Variants in ICA1 observed in about 807,000 individuals in gnomAD.
ICA1 encodes 69 kDa islet cell autoantigen.
ICA1 carries 40 observed loss-of-function variants against 71.0 expected under a neutral mutation model. The ratio of observed to expected loss-of-function variants is 0.56; its 90% CI spans 0.44 to 0.73. The LOEUF is 0.73. Ranked by LOEUF, ICA1 falls within the 30% of genes least tolerant of loss-of-function variation. ICA1 has a pLI of 0.00. For missense variants in ICA1, 578 were observed against 576.5 expected, an observed-to-expected ratio of 1.00 and a Z score of -0.03; for synonymous variants, 207 against 209.5, an observed-to-expected ratio of 0.99 and a Z score of 0.10.
intron 4 of ICA1, chr7:8,227,702 C>G (rs1357627466): frequency 2.4e-6 from 1 of 419,226 alleles, no homozygotes; most frequent in Non-Finnish European, 4.7e-6. Flanking sequence ...CTGCCTCAGC[C>G]TCCTGAGTAG....
chr7:8,139,599 A>G (rs1233632168), intron 10 of ICA1, among the ~76,000 whole-genome samples: 5 of 152,234 alleles, frequency 3.3e-5, no homozygotes, highest in Non-Finnish European at 1.5e-5. Flanking sequence ...TGGTAGATAT[A>G]TATCATTATA....
At chr7:8,237,046 T>C (rs1583607786) in intron 1 of ICA1, among the ~76,000 whole-genome samples, 2 of 152,352 alleles carry the variant, frequency 1.3e-5, no homozygotes, top group African/African-American at 2.4e-5. Flanking sequence ...AAAATTACGA[T>C]GTGCAAATCC....
intron 12 of ICA1, among the ~76,000 whole-genome samples, chr7:8,137,247 T>C (rs1793742121): frequency 6.6e-6 from 1 of 152,152 alleles, no homozygotes; most frequent in African/African-American, 2.4e-5. Flanking sequence ...GTGAATGTAC[T>C]ACCTAGTCAA....
chr7:8,181,776 A>T lies in ICA1; in HGVS notation c.580-23124T>A, dbSNP rs973715057. On this transcript the variant is annotated intron_variant, in intron 6 of 13. Coordinates refer to ENST00000402384, the MANE Select transcript of ICA1 (RefSeq NM_001136020.3). ...AGTGCTTAATTAAGAAATGTGAGGC[A>T]TGAATAGTATTCACATCACCTTTCT... Among the ~76,000 whole-genome samples the T allele has an allele frequency of 5.9e-5, 9 of 152,222 alleles. No individual in the cohort carries two copies. The East Asian group carries it at 1.5e-3, about 26-fold the overall frequency.
At chr7:8,134,322 G>A (rs778698753) in intron 12 of ICA1, among the ~76,000 whole-genome samples, 163 of 152,194 alleles carry the variant, frequency 1.1e-3, no homozygotes, top group Non-Finnish European at 2.1e-3. Flanking sequence ...GCTCTTTTAA[G>A]TTTAGACACG....
chr7:8,183,877 T>C (rs16872799), intron 6 of ICA1, among the ~76,000 whole-genome samples: 2,031 of 152,254 alleles, frequency 0.013, 36 homozygotes, highest in East Asian at 0.074. Context: ...TAAGGAAATT[T>C]CAAGTTGTCG....
chr7:8,121,682 C>A (rs567169935), intron 13 of ICA1, among the ~76,000 whole-genome samples: 2 of 152,280 alleles, frequency 1.3e-5, no homozygotes, highest in East Asian at 1.9e-4. Context: ...TATGATCTAG[C>A]ATTCGATAGC....
chr7:8,260,958 G>C (rs1812103642), intron 1 of ICA1, among the ~76,000 whole-genome samples: 1 of 152,126 alleles, frequency 6.6e-6, no homozygotes. Flanking sequence ...GAAACGTATG[G>C]ACAAAAACAT....
chr7:8,134,417 G>C (rs994503536), intron 12 of ICA1, among the ~76,000 whole-genome samples: 1 of 152,166 alleles, frequency 6.6e-6, no homozygotes, highest in Non-Finnish European at 1.5e-5. Flanking sequence ...TTAGAACACA[G>C]AAGATGGAAG....
intron 6 of ICA1, among the ~76,000 whole-genome samples, chr7:8,213,805 C>T (rs1316366866): frequency 1.3e-5 from 2 of 152,188 alleles, no homozygotes; most frequent in Non-Finnish European, 1.5e-5. Context: ...TAAGGTCCCA[C>T]CGAGTAAGCC....
At chr7:8,142,748 T>A (rs920290483) in intron 9 of ICA1, among the ~76,000 whole-genome samples, 2 of 152,202 alleles carry the variant, frequency 1.3e-5, no homozygotes, top group Non-Finnish European at 2.9e-5. Context: ...CACCTAGCAT[T>A]GTATCTGGTT....
intron 1 of ICA1, among the ~76,000 whole-genome samples, chr7:8,256,367 C>T (rs776239791): frequency 6.6e-6 from 1 of 152,114 alleles, no homozygotes; most frequent in Non-Finnish European, 1.5e-5. Context: ...TCCCTTCCCC[C>T]CAAATCTTAC....
chr7:8,164,742 AC>A (rs1195708336), intron 6 of ICA1, among the ~76,000 whole-genome samples: 4 of 152,168 alleles, frequency 2.6e-5, no homozygotes, highest in African/African-American at 9.7e-5. Flanking sequence ...ATAAGGTGCC[AC>A]AGGAGAAAGT....
intron 8 of ICA1, chr7:8,156,711 G>A (rs1801637915): frequency 2.1e-6 from 2 of 937,310 alleles, no homozygotes; most frequent in Admixed American, 3.6e-5. Flanking sequence ...CTTCTCAAGT[G>A]AGGATATTTG....
At position 8,116,753 on chromosome 7, in the gene ICA1, G is replaced by A. The variant is rs574209088; in HGVS notation, c.1331-2709C>T. On this transcript the variant is annotated intron_variant, in intron 13 of 13. Coordinates refer to ENST00000402384, the MANE Select transcript of ICA1 (RefSeq NM_001136020.3). The stretch of plus-strand genomic sequence containing the variant: ...AGGACTAGTAACTGCACATCTTCTC[G>A]ACTTCCAATATGATCCAGTCCTTTT... Among the ~76,000 whole-genome samples the A allele has an allele frequency of 9.2e-5, 14 of 152,268 alleles. No homozygotes were observed. In the South Asian group the frequency reaches 2.7e-3, roughly 29 times the overall value.
intron 12 of ICA1, among the ~76,000 whole-genome samples, chr7:8,137,977 T>C (rs1004060717): frequency 3.3e-5 from 5 of 152,322 alleles, no homozygotes; most frequent in Admixed American, 6.5e-5. Flanking sequence ...GTGAGAAATC[T>C]GTAAAGCCAG....
At chr7:8,157,359 T>C in intron 7 of ICA1, 145 bp from the exon 8 acceptor site, 1 of 788,702 alleles carries the variant, frequency 1.3e-6, no homozygotes, top group South Asian at 2.0e-5. Flanking sequence ...ATGCCCCCAA[T>C]TACACTCTGT....
At chr7:8,213,914 G>A (rs963306456) in intron 6 of ICA1, among the ~76,000 whole-genome samples, 2 of 152,092 alleles carry the variant, frequency 1.3e-5, no homozygotes, top group Non-Finnish European at 1.5e-5. Context: ...AAATAGATAC[G>A]CACCTGCAAA....
Position 8,185,494 on chromosome 7 carries a change from G to A in ICA1, c.580-26842C>T, listed in dbSNP as rs1033146349. Among the ~76,000 whole-genome samples, 5 of 152,168 alleles carry A rather than the reference G, an allele frequency of 3.3e-5. 1 individual carries two copies. In the East Asian group the frequency reaches 9.6e-4, roughly 29 times the overall value. On this transcript the variant is annotated intron_variant, in intron 6 of 13. Coordinates refer to ENST00000402384, the MANE Select transcript of ICA1 (RefSeq NM_001136020.3). ...CAACATCAGCATCACCTGGGAGCTT[G>A]ATAGAAATGTAATTCTTGGGCCCTA...
Sources: allele counts gnomAD v4.1 joint callset (sites outside exome capture counted in the v4.1 genomes callset), GRCh38; gene constraint gnomAD v4.1.1; transcripts MANE v1.5; gene names NCBI Gene and HGNC (gene_info 2026-07-23, HGNC 2026-07-21).